Variants in EXT1 observed in about 807,000 individuals in gnomAD.
The protein encoded by EXT1 is exostosin-1.
In EXT1, 20 loss-of-function variants were observed where a neutral mutation model predicts 82.5. The ratio of observed to expected loss-of-function variants is 0.24; its 90% CI spans 0.17 to 0.35. The LOEUF (loss-of-function observed/expected upper bound fraction) is 0.35, where lower values mean the gene tolerates loss of function less well. Among genes scored for constraint, EXT1 ranks in the 10% least tolerant of loss-of-function variants. The pLI is 1.00. For synonymous variants in EXT1, 348 were observed against 350.8 expected, an observed-to-expected ratio of 0.99 and a Z score of 0.09; for missense variants, 757 against 936.5, an observed-to-expected ratio of 0.81 and a Z score of 2.50.
chr8:117,938,354 C>A (rs1814209154), intron 1 of EXT1, among the ~76,000 whole-genome samples: 1 of 152,074 alleles, frequency 6.6e-6, no homozygotes, highest in African/African-American at 2.4e-5. Flanking sequence ...CCCAGCTACT[C>A]AGGAGGCTGA....
intron 1 of EXT1, among the ~76,000 whole-genome samples, chr8:118,039,431 A>G (rs1389529437): frequency 6.6e-6 from 1 of 151,648 alleles, no homozygotes; most frequent in African/African-American, 2.4e-5. Flanking sequence ...CTAAGGGTGC[A>G]CGCCTGTAAT....
intron 1 of EXT1, among the ~76,000 whole-genome samples, chr8:118,039,797 C>T (rs1816495214): frequency 6.6e-6 from 1 of 152,068 alleles, no homozygotes; most frequent in African/African-American, 2.4e-5. Context: ...GGATGAACTA[C>T]TGACTGAGCA....
rs116499408 is a variant in EXT1 at position 117,939,442 on chromosome 8, G to A, written c.963-102241C>T. On this transcript the variant is annotated intron_variant, in intron 1 of 10. Transcript: ENST00000378204. ...AAATTAGCAGGGTATGGTGGTGCGC[G>A]CCTGTAATCCCAGCCACTCGAGGGG... Among the ~76,000 whole-genome samples the A allele has an allele frequency of 9.5e-3, 1,438 of 151,878 alleles. 25 individuals are homozygous for A. Among genetic ancestry groups the A allele is most frequent in the African/African-American group, 0.033 (1,361 of 41,422 alleles).
Position 118,041,007 on chromosome 8 carries a change from T to C in EXT1, c.962+69078A>G, listed in dbSNP as rs145726632. Among the ~76,000 whole-genome samples the C allele has an allele frequency of 4.6e-3, 696 of 152,312 alleles. 8 individuals are homozygous for C. The highest frequency in any genetic ancestry group is 0.015 in the African/African-American group (619 of 41,558). Reference sequence around the variant, plus strand: ...CATCAAATCAAGCTTTGCCAGTAGATGGAATTAGGAGAGGTTAATACACAC... The same window carrying C: ...CATCAAATCAAGCTTTGCCAGTAGACGGAATTAGGAGAGGTTAATACACAC... On this transcript the variant is annotated intron_variant, in intron 1 of 10. Coordinates refer to ENST00000378204, the MANE Select transcript of EXT1 (RefSeq NM_000127.3).
chr8:117,924,344 A>G (rs1813915804), intron 1 of EXT1, among the ~76,000 whole-genome samples: 1 of 152,222 alleles, frequency 6.6e-6, no homozygotes, highest in African/African-American at 2.4e-5. Flanking sequence ...TACCCTCCAG[A>G]GTAGTACTCA....
intron 1 of EXT1, among the ~76,000 whole-genome samples, chr8:117,932,047 A>C (rs1308991133): frequency 2.6e-5 from 4 of 152,248 alleles, no homozygotes; most frequent in East Asian, 1.9e-4. Flanking sequence ...TTTTAAAACA[A>C]AAGCAATTTA....
At chr8:117,878,982 G>C (rs1380714452) in intron 1 of EXT1, among the ~76,000 whole-genome samples, 1 of 152,218 alleles carries the variant, frequency 6.6e-6, no homozygotes, top group African/African-American at 2.4e-5. Flanking sequence ...CATGGCAGAA[G>C]GAAACATGAG....
intron 1 of EXT1, among the ~76,000 whole-genome samples, chr8:117,860,782 C>T (rs17503747): frequency 1.1e-3 from 175 of 152,318 alleles, no homozygotes; most frequent in African/African-American, 3.9e-3. Context: ...TACTCCCTCA[C>T]GGCAAATTAG....
chr8:117,964,217 C>G (rs537949237), intron 1 of EXT1, among the ~76,000 whole-genome samples: 27 of 152,292 alleles, frequency 1.8e-4, no homozygotes, highest in Non-Finnish European at 3.4e-4. Flanking sequence ...CCCAGCTGAT[C>G]TGAAATCTGG....
intron 4 of EXT1, 120 bp downstream of exon 4, chr8:117,830,110 T>C (rs1164071518): frequency 2.3e-6 from 3 of 1,276,596 alleles, no homozygotes; most frequent in Non-Finnish European, 3.4e-6. Flanking sequence ...TATATCCAAG[T>C]ACAGGAATCT....
At chr8:118,017,502 C>T (rs17453805) in intron 1 of EXT1, among the ~76,000 whole-genome samples, 6,566 of 152,004 alleles carry the variant, frequency 0.043, 186 homozygotes, top group Middle Eastern at 0.071. Context: ...CACTGTATCT[C>T]CCCTCCACCA....
intron 1 of EXT1, among the ~76,000 whole-genome samples, chr8:118,009,305 C>G (rs1473214368): frequency 6.6e-6 from 1 of 152,212 alleles, no homozygotes; most frequent in Non-Finnish European, 1.5e-5. Context: ...AACTACATTT[C>G]CCAGATTACT....
At chr8:117,920,356 G>A (rs896631202) in intron 1 of EXT1, among the ~76,000 whole-genome samples, 6 of 152,050 alleles carry the variant, frequency 3.9e-5, no homozygotes, top group African/African-American at 7.2e-5. Context: ...CACCCGCCTC[G>A]GCCTCCAAGT....
chr8:117,973,323 G>T (rs1814978717), intron 1 of EXT1, among the ~76,000 whole-genome samples: 1 of 152,100 alleles, frequency 6.6e-6, no homozygotes, highest in South Asian at 2.1e-4. Context: ...TGAGGGCATT[G>T]GTTGATCCTC....
At chr8:118,033,958 G>A (rs538410559) in intron 1 of EXT1, among the ~76,000 whole-genome samples, 4 of 152,264 alleles carry the variant, frequency 2.6e-5, no homozygotes, top group South Asian at 2.1e-4. Flanking sequence ...AAGAGATGGC[G>A]AGAAGCTAAG....
At chr8:117,858,406 T>C (rs1412721621) in intron 1 of EXT1, among the ~76,000 whole-genome samples, 1 of 152,160 alleles carries the variant, frequency 6.6e-6, no homozygotes, top group Non-Finnish European at 1.5e-5. Flanking sequence ...GCACAGTGGC[T>C]CACGCCTGTA....
rs1314303745 is a variant in EXT1, at chr8:118,093,974, G to A, written c.962+16111C>T. 2.0e-5 allele frequency among the ~76,000 whole-genome samples: 3 copies of A among 152,308 alleles called. No homozygotes were observed. The East Asian group carries it at 5.8e-4, about 29-fold the overall frequency. ...GTAGAAAGTCATTCACTGTTATCGCGCTTCCTGATTTGCTAAGTGCCCCTG... is the reference window on the plus strand; with the variant it reads ...GTAGAAAGTCATTCACTGTTATCGCACTTCCTGATTTGCTAAGTGCCCCTG... On this transcript the variant is annotated intron_variant, in intron 1 of 10. Coordinates refer to ENST00000378204, the MANE Select transcript of EXT1 (RefSeq NM_000127.3).
At chr8:118,033,069 T>A (rs569441028) in intron 1 of EXT1, among the ~76,000 whole-genome samples, 21 of 152,328 alleles carry the variant, frequency 1.4e-4, no homozygotes, top group Admixed American at 8.5e-4. Context: ...ACTTCAGGTA[T>A]TTATGCCCAT....
intron 1 of EXT1, among the ~76,000 whole-genome samples, chr8:117,879,871 A>G (rs185390686): frequency 6.6e-6 from 1 of 152,350 alleles, no homozygotes. Flanking sequence ...TATGATTCAA[A>G]ATCCATACAC....
Sources: gnomAD v4.1 joint callset for allele counts (sites outside exome capture counted in the v4.1 genomes callset) on GRCh38, gnomAD v4.1.1 for gene constraint, MANE v1.5 for transcripts, NCBI Gene and HGNC (gene_info 2026-07-23, HGNC 2026-07-21) for gene names.